Variants in B3GAT2 observed in about 807,000 individuals in gnomAD.
The protein encoded by B3GAT2 is galactosylgalactosylxylosylprotein 3-beta-glucuronosyltransferase 2.
A neutral mutation model predicts 27.8 loss-of-function variants in B3GAT2; 26 were observed. The observed-to-expected ratio is 0.93, with a 90% CI of 0.68 to 1.30. B3GAT2 has a LOEUF of 1.30. Ranked by LOEUF, B3GAT2 falls within the 50% of genes most tolerant of loss-of-function variation. The pLI is 0.00. For missense variants in B3GAT2, 458 were observed against 459.0 expected (o/e 1.00, Z 0.02); for synonymous variants, 218 against 195.1 (o/e 1.12, Z -0.98).
chr6:70,892,850 G>C (rs905875299), intron 2 of B3GAT2, among the ~76,000 whole-genome samples: 1 of 152,182 alleles, frequency 6.6e-6, no homozygotes, highest in African/African-American at 2.4e-5. Context: ...CCTCTTTCGA[G>C]GGTCCTCAGG....
At chr6:70,892,182 C>T (rs1046728788) in intron 2 of B3GAT2, among the ~76,000 whole-genome samples, 1 of 152,110 alleles carries the variant, frequency 6.6e-6, no homozygotes, top group Non-Finnish European at 1.5e-5. Context: ...TGAAAATATA[C>T]TGAAATGCTT....
chr6:70,925,806 A>C (rs1407123434), intron 1 of B3GAT2, among the ~76,000 whole-genome samples: 3 of 152,224 alleles, frequency 2.0e-5, no homozygotes, highest in Non-Finnish European at 4.4e-5. Flanking sequence ...TGGTCCTCCC[A>C]GCACAGAGTC....
At chr6:70,920,370 T>C (rs1157774934) in intron 1 of B3GAT2, among the ~76,000 whole-genome samples, 1 of 152,228 alleles carries the variant, frequency 6.6e-6, no homozygotes, top group Non-Finnish European at 1.5e-5. Context: ...CCTGACCCCT[T>C]GCACTTCCTC....
chr6:70,940,065 C>T (rs915171988), intron 1 of B3GAT2, among the ~76,000 whole-genome samples: 6 of 151,866 alleles, frequency 4.0e-5, no homozygotes, highest in Non-Finnish European at 4.4e-5. Flanking sequence ...ATGGAGGGTA[C>T]AGGGTCTGTG....
At chr6:70,927,651 A>G (rs951951191) in intron 1 of B3GAT2, among the ~76,000 whole-genome samples, 3 of 152,186 alleles carry the variant, frequency 2.0e-5, no homozygotes, top group African/African-American at 7.2e-5. Flanking sequence ...TATGCACCCA[A>G]TACAGGAGCA....
intron 1 of B3GAT2, among the ~76,000 whole-genome samples, chr6:70,897,808 T>C (rs1317069498): frequency 6.6e-6 from 1 of 152,138 alleles, no homozygotes; most frequent in African/African-American, 2.4e-5. Flanking sequence ...TATGAGGAAC[T>C]GATTGAAGTT....
intron 1 of B3GAT2, among the ~76,000 whole-genome samples, chr6:70,925,442 C>T (rs928679348): frequency 3.9e-5 from 6 of 152,192 alleles, no homozygotes; most frequent in African/African-American, 7.2e-5. Context: ...GGGACACTCC[C>T]GCCCTAATAC....
intron 2 of B3GAT2, among the ~76,000 whole-genome samples, chr6:70,863,642 CGA>C (rs1159160680): frequency 6.6e-6 from 1 of 152,050 alleles, no homozygotes; most frequent in East Asian, 1.9e-4. Flanking sequence ...TCTTTATTTG[CGA>C]GAGAAGTGTA....
intron 2 of B3GAT2, among the ~76,000 whole-genome samples, chr6:70,880,791 G>A (rs1005930292): frequency 6.6e-6 from 1 of 151,594 alleles, no homozygotes; most frequent in Non-Finnish European, 1.5e-5. Flanking sequence ...TCAGCCTCCC[G>A]AGTAACTGGG....
intron 2 of B3GAT2, among the ~76,000 whole-genome samples, chr6:70,869,779 A>G (rs967485774): frequency 3.3e-5 from 5 of 152,232 alleles, no homozygotes; most frequent in Non-Finnish European, 7.3e-5. Flanking sequence ...TTTAATTAGC[A>G]TTAACAGTTG....
chr6:70,866,908 T>C (rs1049207695), intron 2 of B3GAT2, among the ~76,000 whole-genome samples: 1 of 152,158 alleles, frequency 6.6e-6, no homozygotes, highest in African/African-American at 2.4e-5. Flanking sequence ...AGTTAGACCA[T>C]AGTCTGGGCC....
intron 2 of B3GAT2, among the ~76,000 whole-genome samples, chr6:70,877,445 A>G (rs1772033519): frequency 6.6e-6 from 1 of 152,172 alleles, no homozygotes; most frequent in South Asian, 2.1e-4. Flanking sequence ...TTCTTCCTGG[A>G]CATTTCCTGT....
Position 70,956,060 on chromosome 6 carries a change from C to G in B3GAT2, c.370G>C (p.Glu124Gln), listed in dbSNP as rs780861676. 1 of 1,586,578 alleles carries G rather than the reference C, an allele frequency of 6.3e-7. No homozygotes were observed. Among genetic ancestry groups the G allele is most frequent in the Non-Finnish European group, 8.5e-7 (1 of 1,171,266 alleles). Residue 124 changes from glutamate (E) to glutamine (Q), a missense_variant, in exon 1 of 4, where the codon GAG (glutamate) becomes CAG (glutamine). By Grantham distance (29) the Glu-to-Gln change is conservative. Transcript: ENST00000230053. Reference protein sequence around the residue: ...ILVEDAAARSELVSRFLARAG... With the variant: ...ILVEDAAARSQLVSRFLARAG... The stretch of plus-strand genomic sequence containing the variant: ...CGCGCCAGGAAGCGGCTCACCAGCT[C>G]GCTGCGCGCCGCCGCGTCCTCCACC...
chr6:70,911,953 T>C (rs1411027773), intron 1 of B3GAT2, among the ~76,000 whole-genome samples: 1 of 152,190 alleles, frequency 6.6e-6, no homozygotes, highest in East Asian at 1.9e-4. Context: ...AGCTTGGATG[T>C]TGTTAGTGTA....
chr6:70,864,405 TTG>T (rs1771816638), intron 2 of B3GAT2, among the ~76,000 whole-genome samples: 1 of 152,196 alleles, frequency 6.6e-6, no homozygotes, highest in Non-Finnish European at 1.5e-5. Flanking sequence ...TAACAGCCAG[TTG>T]TGAAGCTATA....
intron 1 of B3GAT2, among the ~76,000 whole-genome samples, chr6:70,931,688 G>C (rs1773065834): frequency 6.6e-6 from 1 of 152,108 alleles, no homozygotes; most frequent in South Asian, 2.1e-4. Context: ...ACGTACAAAA[G>C]AGCTAAAACT....
rs61150776 is a variant in B3GAT2, at chr6:70,902,617, G to GATATATATATATATATATATAT, written c.592-8346_592-8345insATATATATATATATATATATAT. Among the ~76,000 whole-genome samples the GATATATATATATATATATATAT allele has an allele frequency of 1.8e-4, 23 of 125,272 alleles. No homozygotes were observed. The East Asian group carries it at 4.4e-3, about 24-fold the overall frequency. 82.2% of individuals were successfully genotyped at this position (125,272 alleles called of 152,430 possible). The stretch of plus-strand genomic sequence containing the variant: ...ACAGATGAATGGATTAAGAAAATGG[G>GATATATATATATATATATATAT]ATATATATATATATATATATACACA... On this transcript the variant is annotated intron_variant, in intron 1 of 3. Coordinates refer to ENST00000230053, the MANE Select transcript of B3GAT2 (RefSeq NM_080742.3).
At chr6:70,953,660 A>AT (rs1242859804) in intron 1 of B3GAT2, among the ~76,000 whole-genome samples, 5 of 152,286 alleles carry the variant, frequency 3.3e-5, no homozygotes, top group Admixed American at 6.5e-5. Context: ...AACCTGTTGT[A>AT]TTTTTTGTAT....
At chr6:70,894,060 T>C (rs1405548579) in intron 2 of B3GAT2, 68 bp downstream of exon 2, 6 of 1,413,268 alleles carry the variant, frequency 4.2e-6, no homozygotes, top group Middle Eastern at 1.9e-4. Context: ...CTTCATCTAG[T>C]GCATCGTTAT....
Sources: allele counts gnomAD v4.1 joint callset (sites outside exome capture counted in the v4.1 genomes callset), GRCh38; gene constraint gnomAD v4.1.1; transcripts MANE v1.5; gene names NCBI Gene and HGNC (gene_info 2026-07-23, HGNC 2026-07-21).